Variants in SDC3 observed in about 807,000 individuals in gnomAD.
The protein encoded by SDC3 is syndecan-3.
In SDC3, 13 loss-of-function variants were observed where a neutral mutation model predicts 24.4. The ratio of observed to expected loss-of-function variants is 0.53; its 90% CI spans 0.35 to 0.85. The LOEUF (loss-of-function observed/expected upper bound fraction) is 0.85. Ranked by LOEUF, SDC3 falls within the 40% of genes least tolerant of loss-of-function variation. SDC3 has a pLI of 0.01. For synonymous variants in SDC3, 295 were observed against 260.9 expected (o/e 1.13, Z -1.26); for missense variants, 571 against 584.5 (o/e 0.98, Z 0.24).
intron 1 of SDC3, among the ~76,000 whole-genome samples, chr1:30,892,573 A>G (rs1489069898): frequency 6.6e-6 from 1 of 152,230 alleles, no homozygotes; most frequent in African/African-American, 2.4e-5. Flanking sequence ...ACTTCAGGCA[A>G]GTGGCTGTTG....
At chr1:30,875,085 T>C (rs1001631431) in intron 3 of SDC3, among the ~76,000 whole-genome samples, 2 of 152,212 alleles carry the variant, frequency 1.3e-5, no homozygotes, top group Non-Finnish European at 2.9e-5. Flanking sequence ...CAGACTATGA[T>C]GGCCTCAGGG....
At chr1:30,882,997 G>A (rs1220913106) in intron 1 of SDC3, among the ~76,000 whole-genome samples, 1 of 152,196 alleles carries the variant, frequency 6.6e-6, no homozygotes, top group East Asian at 1.9e-4. Flanking sequence ...AATCAGTGTA[G>A]CCACGATTGC....
At chr1:30,876,197 T>C (rs533858329) in intron 3 of SDC3, among the ~76,000 whole-genome samples, 2 of 152,194 alleles carry the variant, frequency 1.3e-5, no homozygotes, top group South Asian at 4.2e-4. Context: ...TGGCCTGAGG[T>C]CCCGTGACTA....
At position 30,872,951 on chromosome 1, in the gene SDC3, C is replaced by G; in HGVS notation, c.*260G>C. 2.1e-6 allele frequency: 1 copy of G among 486,968 alleles called. No homozygotes were observed. The highest frequency in any genetic ancestry group is 3.6e-6 in the Non-Finnish European group (1 of 275,350). 30.2% of individuals were successfully genotyped at this position (486,968 alleles called of 1,614,324 possible). A position where few individuals can be genotyped will look rare whatever the true frequency, so the allele number is the denominator to read the frequency against. On this transcript the variant is annotated 3_prime_UTR_variant, in exon 5 of 5. Transcript: ENST00000339394. ...TCCTCCCATCCATCTGACATGAGGT[C>G]CTGAAGCCCCAGACTGGTGGCAGGG...
chr1:30,873,513 C>G (rs1238369298), intron 4 of SDC3, 136 bp from the exon 5 acceptor site: 3 of 623,294 alleles, frequency 4.8e-6, no homozygotes, highest in South Asian at 1.9e-5. Context: ...GGAGTCAATA[C>G]TACTACTACC....
At chr1:30,876,497 CTCCCCT>C in intron 3 of SDC3, 49 bp downstream of exon 3, 2 of 1,427,482 alleles carry the variant, frequency 1.4e-6, no homozygotes, top group Non-Finnish European at 1.9e-6. Context: ...CTCCTCATCC[CTCCCCT>C]GACCCACCCT....
intron 3 of SDC3, 93 bp downstream of exon 3, chr1:30,876,459 C>T: frequency 8.8e-7 from 1 of 1,134,928 alleles, no homozygotes; most frequent in Non-Finnish European, 1.2e-6. Context: ...CTATAGCCTC[C>T]TGGTCCTCAG....
intron 1 of SDC3, among the ~76,000 whole-genome samples, chr1:30,905,156 G>A (rs1638492602): frequency 6.6e-6 from 1 of 152,040 alleles, no homozygotes; most frequent in Non-Finnish European, 1.5e-5. Context: ...TTTTGGTGAG[G>A]ACTATCTCAT....
intron 1 of SDC3, among the ~76,000 whole-genome samples, chr1:30,899,092 G>A (rs1489900532): frequency 6.6e-6 from 1 of 152,098 alleles, no homozygotes; most frequent in Non-Finnish European, 1.5e-5. Context: ...TCTTCGTTTC[G>A]TTGTTGTTGT....
rs567070776 is a variant in SDC3 at position 30,876,269 on chromosome 1, G to A, written c.870+283C>T. ...GACCACTGAATTAATTCTCTCAACC[G>A]AAACACTCAGCCCGGCCCCCCTTGT... On this transcript the variant is annotated intron_variant, in intron 3 of 4. Transcript: ENST00000339394. Among the ~76,000 whole-genome samples, 115 of 152,178 alleles carry A rather than the reference G, an allele frequency of 7.6e-4. 2 individuals carry two copies. The highest frequency in any genetic ancestry group is 2.7e-3 in the African/African-American group (112 of 41,498).
chr1:30,877,218 G>T (rs1639661650), intron 2 of SDC3, 53 bp from the exon 3 acceptor site: 1 of 1,609,706 alleles, frequency 6.2e-7, no homozygotes. Context: ...GTTGTGAGGG[G>T]CATGAGGATC....
chr1:30,908,478 G>A lies in SDC3; in HGVS notation c.109C>T (p.Leu37=). ...GCGGCGCGCCCCGCCAGCAGCAGCAGCAGCAGCGGTGGCAGGAGCAGCCCG... is the reference window on the plus strand; with the variant it reads ...GCGGCGCGCCCCGCCAGCAGCAGCAACAGCAGCGGTGGCAGGAGCAGCCCG... ...ARGLLLPPLL[L]LLLAGRAAGA... is the part of the protein sequence containing the mutation. The change falls in exon 1 of 5, where the codon CTG becomes TTG. Residue 37 remains leucine, a synonymous_variant. Coordinates refer to ENST00000339394, the MANE Select transcript of SDC3 (RefSeq NM_014654.4). 9.7e-7 allele frequency: 1 copy of A among 1,028,128 alleles called. No homozygotes were observed. Among genetic ancestry groups the A allele is most frequent in the South Asian group, 3.3e-5 (1 of 30,446 alleles). 63.7% of individuals were successfully genotyped at this position (1,028,128 alleles called of 1,614,324 possible).
At chr1:30,893,358 T>C (rs1019568314) in intron 1 of SDC3, among the ~76,000 whole-genome samples, 3 of 126,346 alleles carry the variant, frequency 2.4e-5, no homozygotes, top group African/African-American at 8.9e-5. Context: ...AGCAACACTA[T>C]TGGTACCTGG....
chr1:30,889,325 A>C (rs896254496), intron 1 of SDC3, among the ~76,000 whole-genome samples: 3 of 152,218 alleles, frequency 2.0e-5, no homozygotes, highest in Non-Finnish European at 4.4e-5. Context: ...CAGTTCCACC[A>C]TCTGCAAATG....
At chr1:30,888,027 T>C (rs746010414) in intron 1 of SDC3, among the ~76,000 whole-genome samples, 2 of 152,268 alleles carry the variant, frequency 1.3e-5, no homozygotes, top group East Asian at 1.9e-4. Context: ...GTAAATTATA[T>C]GCAAATATGC....
At chr1:30,886,259 T>C (rs1639826090) in intron 1 of SDC3, among the ~76,000 whole-genome samples, 1 of 152,090 alleles carries the variant, frequency 6.6e-6, no homozygotes, top group East Asian at 1.9e-4. Flanking sequence ...GTAAAACCAA[T>C]GGTTATTAAG....
chr1:30,901,667 A>G (rs1638416385), intron 1 of SDC3, among the ~76,000 whole-genome samples: 2 of 151,978 alleles, frequency 1.3e-5, no homozygotes, highest in African/African-American at 4.8e-5. Flanking sequence ...CCACCCCCAG[A>G]GTTCTCCTTC....
At chr1:30,875,183 C>A (rs1639615907) in intron 3 of SDC3, among the ~76,000 whole-genome samples, 1 of 152,190 alleles carries the variant, frequency 6.6e-6, no homozygotes, top group Non-Finnish European at 1.5e-5. Context: ...AATGATGAGA[C>A]CAAAGTGGGG....
chr1:30,876,903 G>A lies in SDC3; in HGVS notation c.519C>T (p.Asp173=), dbSNP rs764945293. The A allele has an allele frequency of 1.9e-6, 3 of 1,613,882 alleles. No individual in the cohort carries two copies. The highest frequency in any genetic ancestry group is 1.7e-6 in the Non-Finnish European group (2 of 1,179,910). The part of the protein sequence containing the change: ...MATTAATSTG[D]PTVATVPATV... ...TGGCAGGCACTGTGGCCACAGTCGG[G>A]TCCCCTGTGCTTGTGGCAGCAGTGG... The change falls in exon 3 of 5, where the codon GAC becomes GAT. Residue 173 remains aspartate, a synonymous_variant. Transcript: ENST00000339394.
Sources: gnomAD v4.1 joint callset for allele counts (sites outside exome capture counted in the v4.1 genomes callset) on GRCh38, gnomAD v4.1.1 for gene constraint, MANE v1.5 for transcripts, NCBI Gene and HGNC (gene_info 2026-07-23, HGNC 2026-07-21) for gene names.